RPS6KA2: variants seen among roughly 807,000 people sequenced by gnomAD.
RPS6KA2 encodes the protein ribosomal protein S6 kinase alpha-2.
RPS6KA2 carries 42 observed loss-of-function variants against 91.8 expected under a neutral mutation model. The observed-to-expected ratio is 0.46, with a 90% CI of 0.36 to 0.59. RPS6KA2 has a LOEUF of 0.59. Among genes scored for constraint, RPS6KA2 ranks in the 20% least tolerant of loss-of-function variants. The pLI, the probability that RPS6KA2 is intolerant of heterozygous loss-of-function variation, is 0.00. For synonymous variants in RPS6KA2, 414 were observed against 393.6 expected, an observed-to-expected ratio of 1.05 and a Z score of -0.61; for missense variants, 798 against 978.5, an observed-to-expected ratio of 0.82 and a Z score of 2.46.
chr6:166,716,409 C>T (rs11754784), intron 2 of RPS6KA2, among the ~76,000 whole-genome samples: 32,033 of 152,134 alleles, frequency 0.21, 3,806 homozygotes, highest in African/African-American at 0.32. Context: ...TGCGAGGCAG[C>T]CCCCATCCTG....
chr6:166,596,940 C>A (rs564712159), intron 1 of RPS6KA2, among the ~76,000 whole-genome samples: 1 of 151,930 alleles, frequency 6.6e-6, no homozygotes, highest in Middle Eastern at 3.2e-3. Flanking sequence ...AGGGGGATTT[C>A]GAGGGGACTG....
intron 2 of RPS6KA2, among the ~76,000 whole-genome samples, chr6:166,833,783 G>A (rs1052853424): frequency 4.6e-5 from 7 of 152,298 alleles, no homozygotes; most frequent in African/African-American, 1.7e-4. Flanking sequence ...ATTTGAGCAG[G>A]TTCCAGCTTT....
intron 1 of RPS6KA2, among the ~76,000 whole-genome samples, chr6:166,585,498 C>CTTTTTTTTTTTTTTTTTTTTTT (rs58153048): frequency 2.3e-5 from 2 of 86,306 alleles, no homozygotes; most frequent in East Asian, 3.3e-4. Flanking sequence ...TCAAACAAGT[C>CTTTTTTTTTTTTTTTTTTTTTT]TTTTTTTTTT....
At chr6:166,549,635 G>C (rs1476681030) in intron 1 of RPS6KA2, among the ~76,000 whole-genome samples, 1 of 152,134 alleles carries the variant, frequency 6.6e-6, no homozygotes, top group Non-Finnish European at 1.5e-5. Context: ...GTTGCCAGAG[G>C]TGAGGGATGG....
intron 2 of RPS6KA2, among the ~76,000 whole-genome samples, chr6:166,654,002 C>T (rs1463964712): frequency 6.6e-6 from 1 of 152,178 alleles, no homozygotes; most frequent in Admixed American, 6.5e-5. Flanking sequence ...GCAGAACTCC[C>T]CAAAGAAAAA....
At chr6:166,741,300 G>A (rs982197125) in intron 2 of RPS6KA2, among the ~76,000 whole-genome samples, 3 of 152,194 alleles carry the variant, frequency 2.0e-5, no homozygotes, top group Non-Finnish European at 4.4e-5. Context: ...GGAAGGGGTG[G>A]TGGGTGCCAC....
intron 3 of RPS6KA2, among the ~76,000 whole-genome samples, chr6:166,519,873 A>G (rs542485975): frequency 6.6e-6 from 1 of 152,196 alleles, no homozygotes; most frequent in South Asian, 2.1e-4. Flanking sequence ...TGTGGTGGTT[A>G]GTTTTACATG....
intron 1 of RPS6KA2, among the ~76,000 whole-genome samples, chr6:166,619,315 A>T (rs1373708503): frequency 6.6e-6 from 1 of 152,252 alleles, no homozygotes; most frequent in African/African-American, 2.4e-5. Context: ...AAGTGATGAG[A>T]AACCAAGAAG....
At chr6:166,609,214 G>A (rs532724944) in intron 1 of RPS6KA2, among the ~76,000 whole-genome samples, 40 of 152,264 alleles carry the variant, frequency 2.6e-4, no homozygotes, top group African/African-American at 8.7e-4. Context: ...TCAGTGGAGT[G>A]GGAGGTACTA....
intron 2 of RPS6KA2, among the ~76,000 whole-genome samples, chr6:166,721,928 C>T (rs372137517): frequency 8.7e-4 from 132 of 152,264 alleles, no homozygotes; most frequent in African/African-American, 2.4e-3. Context: ...GCTTCCTCGC[C>T]GGCAGGGATA....
chr6:166,760,636 C>A (rs6912712), intron 2 of RPS6KA2, among the ~76,000 whole-genome samples: 80,162 of 151,712 alleles, frequency 0.53, 23,229 homozygotes, highest in East Asian at 0.71. Context: ...ATCTTTCCTG[C>A]ACCACATATT....
chr6:166,640,764 T>C (rs1787404814), intron 2 of RPS6KA2, among the ~76,000 whole-genome samples: 1 of 150,070 alleles, frequency 6.7e-6, no homozygotes, highest in African/African-American at 2.4e-5. Context: ...TGCAGGCTTA[T>C]GTGAGTCTCT....
At chr6:166,673,455 G>A (rs1363571245) in intron 2 of RPS6KA2, among the ~76,000 whole-genome samples, 3 of 152,192 alleles carry the variant, frequency 2.0e-5, no homozygotes, top group Non-Finnish European at 4.4e-5. Context: ...TGACTGAGTC[G>A]CTGTCCCTGG....
chr6:166,653,799 C>G (rs752144028), intron 2 of RPS6KA2, among the ~76,000 whole-genome samples: 1 of 152,136 alleles, frequency 6.6e-6, no homozygotes, highest in Non-Finnish European at 1.5e-5. Flanking sequence ...AGAGAAATAT[C>G]GGAAAACAGA....
At chr6:166,428,068 A>G (rs1778989026) in intron 16 of RPS6KA2, among the ~76,000 whole-genome samples, 2 of 151,976 alleles carry the variant, frequency 1.3e-5, no homozygotes, top group Non-Finnish European at 2.9e-5. Flanking sequence ...ACAAGGCTAC[A>G]GTAACCAAAA....
In RPS6KA2 at chr6:166,553,514, T is replaced by A. The variant is rs10806856; in HGVS notation, c.100-14730A>T. Reference sequence around the variant, plus strand: ...GCTTGGGAAAGAAACAGGAGTCATTTAAAAAAAAAAAAAAAGGCACCCACT... The same window carrying A: ...GCTTGGGAAAGAAACAGGAGTCATTAAAAAAAAAAAAAAAAGGCACCCACT... On this transcript the variant is annotated intron_variant, in intron 1 of 20. Coordinates refer to ENST00000265678, the MANE Select transcript of RPS6KA2 (RefSeq NM_021135.6). Among the ~76,000 whole-genome samples, 175 of 136,258 alleles carry A rather than the reference T, an allele frequency of 1.3e-3. No individual in the cohort carries two copies. In the South Asian group the frequency reaches 0.016, roughly 13 times the overall value. 89.4% of individuals were successfully genotyped at this position (136,258 alleles called of 152,430 possible).
At chr6:166,755,001 T>C (rs1346854666) in intron 2 of RPS6KA2, among the ~76,000 whole-genome samples, 1 of 152,198 alleles carries the variant, frequency 6.6e-6, no homozygotes, top group East Asian at 1.9e-4. Flanking sequence ...CAATGACCCC[T>C]TCCAGCTTCC....
rs181141966 is a variant in RPS6KA2 at position 166,550,603 on chromosome 6, G to A, written c.100-11819C>T. On this transcript the variant is annotated intron_variant, in intron 1 of 20. Coordinates refer to ENST00000265678, the MANE Select transcript of RPS6KA2 (RefSeq NM_021135.6). The stretch of plus-strand genomic sequence containing the variant: ...GGCAACATGCACTTCCCAGCACTGC[G>A]GGCAGTCAGGGAGGCAGTTCACAGA... Among the ~76,000 whole-genome samples the A allele has an allele frequency of 2.0e-5, 3 of 152,262 alleles. 1 individual carries two copies. The highest frequency in any genetic ancestry group is 1.3e-4 in the Admixed American group (2 of 15,298).
intron 2 of RPS6KA2, among the ~76,000 whole-genome samples, chr6:166,783,825 TGC>T (rs1256489143): frequency 0.052 from 4,449 of 86,254 alleles, 687 homozygotes; most frequent in East Asian, 0.37. Flanking sequence ...TAACCACATA[TGC>T]ACACGTGCAC....
Sources: gnomAD v4.1 joint callset for allele counts (sites outside exome capture counted in the v4.1 genomes callset) on GRCh38, gnomAD v4.1.1 for gene constraint, MANE v1.5 for transcripts, NCBI Gene and HGNC (gene_info 2026-07-23, HGNC 2026-07-21) for gene names.